LGR5: variants seen among roughly 807,000 people sequenced by gnomAD.
LGR5 encodes leucine rich repeat containing G protein-coupled receptor 5, also known as leucine-rich repeat-containing G protein-coupled receptor 5.
LGR5 carries 54 observed loss-of-function variants against 76.7 expected under a neutral mutation model. That is an observed-to-expected ratio of 0.70 (90% CI 0.57 to 0.88). The LOEUF (loss-of-function observed/expected upper bound fraction) is 0.88. LGR5 is among the 40% of genes least tolerant of loss of function. LGR5 has a pLI of 0.00. For missense variants in LGR5, 1,078 were observed against 1,073.3 expected (o/e 1.00, Z -0.06); for synonymous variants, 406 against 421.9 (o/e 0.96, Z 0.46).
At chr12:71,520,690 G>T (rs967949052) in intron 2 of LGR5, among the ~76,000 whole-genome samples, 3 of 150,056 alleles carry the variant, frequency 2.0e-5, no homozygotes, top group Admixed American at 6.7e-5. Context: ...ACACAGGGAG[G>T]GGAACATCAC....
At chr12:71,445,446 ATCTG>A (rs1871944952) in intron 1 of LGR5, among the ~76,000 whole-genome samples, 1 of 152,178 alleles carries the variant, frequency 6.6e-6, no homozygotes, top group South Asian at 2.1e-4. Flanking sequence ...TCATTCCCAG[ATCTG>A]TCAGCTTTAA....
chr12:71,490,297 T>C (rs1874012000), intron 1 of LGR5, among the ~76,000 whole-genome samples: 1 of 152,248 alleles, frequency 6.6e-6, no homozygotes, highest in Non-Finnish European at 1.5e-5. Context: ...TTCTGTTTCG[T>C]ATCTCCTTTG....
intron 1 of LGR5, among the ~76,000 whole-genome samples, chr12:71,480,360 CAA>C (rs59288333): frequency 0.14 from 10,951 of 80,138 alleles, 387 homozygotes; most frequent in Non-Finnish European, 0.17. Context: ...GACTCTGTCT[CAA>C]AAAAAAAAAA....
rs760136583 is a variant in LGR5, at chr12:71,580,357, A to T, written c.1486A>T (p.Asn496Tyr). Residue 496 changes from asparagine to tyrosine, a missense_variant, in exon 16 of 18, where the codon AAT becomes TAT. Transcript: ENST00000266674. ...ENAYKISNQW[N>Y]KGDNSSMDDL... ...TGCCTATAAGATTTCTAATCAATGG[A>T]ATAAAGGTGACAACAGCAGTATGGA... The T allele has an allele frequency of 6.2e-7, 1 of 1,614,032 alleles. No homozygotes were observed. The highest frequency in any genetic ancestry group is 8.5e-7 in the Non-Finnish European group (1 of 1,179,902).
chr12:71,510,395 C>T (rs1044454498), intron 2 of LGR5, among the ~76,000 whole-genome samples: 1 of 152,080 alleles, frequency 6.6e-6, no homozygotes, highest in Non-Finnish European at 1.5e-5. Flanking sequence ...GACAATGAAG[C>T]CACTGTTTTG....
intron 4 of LGR5, among the ~76,000 whole-genome samples, chr12:71,551,467 C>T (rs912810772): frequency 1.4e-4 from 22 of 152,146 alleles, no homozygotes; most frequent in Non-Finnish European, 2.5e-4. Context: ...CTTCCTAATA[C>T]GTGGACCACT....
At chr12:71,561,750 G>T in intron 7 of LGR5, 31 bp from the exon 8 acceptor site, 2 of 1,407,958 alleles carry the variant, frequency 1.4e-6, no homozygotes, top group Non-Finnish European at 2.0e-6. Flanking sequence ...ACCCCACACA[G>T]GATTTTTTAT....
chr12:71,447,757 G>A (rs556420923), intron 1 of LGR5, among the ~76,000 whole-genome samples: 3 of 152,312 alleles, frequency 2.0e-5, no homozygotes, highest in Middle Eastern at 3.4e-3. Context: ...GGGCATAGCC[G>A]TGAAGGGCCG....
upstream of LGR5, among the ~76,000 whole-genome samples, chr12:71,439,586 G>A (rs937103573): frequency 6.6e-6 from 1 of 151,896 alleles, no homozygotes; most frequent in Admixed American, 6.6e-5. Flanking sequence ...TCCAGGCGGA[G>A]GCTCAGTGGG....
Position 71,524,403 on chromosome 12 carries a change from C to A in LGR5, c.285-3C>A, listed in dbSNP as rs780792592. 2 of 1,610,516 alleles carry A rather than the reference C, an allele frequency of 1.2e-6. No individual in the cohort carries two copies. Among genetic ancestry groups the A allele is most frequent in the African/African-American group, 1.3e-5 (1 of 74,896 alleles). ...TCTCTCTCCTCTCCATTGAAACCCA[C>A]AGACGTCTTGCGGGAAACGCTCTGA... On this transcript the variant is annotated splice_region_variant and splice_polypyrimidine_tract_variant and intron_variant, in intron 2 of 17. Coordinates refer to ENST00000266674, the MANE Select transcript of LGR5 (RefSeq NM_003667.4).
chr12:71,584,827 T>A lies in LGR5; in HGVS notation c.*93T>A. The A allele has an allele frequency of 2.9e-6, 4 of 1,370,548 alleles. No homozygotes were observed. The East Asian group carries it at 9.2e-5, about 32-fold the overall frequency. 84.9% of individuals were successfully genotyped at this position (1,370,548 alleles called of 1,614,324 possible). A position where few individuals can be genotyped will look rare whatever the true frequency, so the allele number is the denominator to read the frequency against. On this transcript the variant is annotated 3_prime_UTR_variant, in exon 18 of 18. Transcript: ENST00000266674. ...CAGTAATTAATAAGAAGAGCTGAGG[T>A]GAAACTCGGTTTAAAAACCAAAAAA...
chr12:71,489,511 A>G (rs1448862673), intron 1 of LGR5, among the ~76,000 whole-genome samples: 4 of 152,212 alleles, frequency 2.6e-5, no homozygotes, highest in Non-Finnish European at 5.9e-5. Flanking sequence ...TACAGATTGC[A>G]TATTTTAACA....
intron 1 of LGR5, among the ~76,000 whole-genome samples, chr12:71,455,390 G>GGT (rs1872429542): frequency 6.6e-6 from 1 of 152,072 alleles, no homozygotes; most frequent in Non-Finnish European, 1.5e-5. Flanking sequence ...CAATAGGGCA[G>GGT]GTGTAGCAGG....
At chr12:71,475,040 T>C (rs145999284) in intron 1 of LGR5, among the ~76,000 whole-genome samples, 1,736 of 152,262 alleles carry the variant, frequency 0.011, 34 homozygotes, top group African/African-American at 0.04. Context: ...CTGTGACTAA[T>C]TGGAATTGCA....
At chr12:71,492,735 G>A (rs1874128503) in intron 1 of LGR5, among the ~76,000 whole-genome samples, 1 of 151,688 alleles carries the variant, frequency 6.6e-6, no homozygotes, top group African/African-American at 2.4e-5. Context: ...TGTTTCTAAT[G>A]ATGGCAGACA....
chr12:71,549,456 C>T (rs1332640922), intron 4 of LGR5, among the ~76,000 whole-genome samples: 2 of 151,848 alleles, frequency 1.3e-5, no homozygotes, highest in East Asian at 3.9e-4. Flanking sequence ...ATGTTGTCAC[C>T]ACAAAAAAAT....
chr12:71,529,728 G>A lies in LGR5; in HGVS notation c.356+5251G>A, dbSNP rs1198987972. On this transcript the variant is annotated intron_variant, in intron 3 of 17. Coordinates refer to ENST00000266674, the MANE Select transcript of LGR5 (RefSeq NM_003667.4). ...CCCAGCACTTTGGAAGGCTGAGACA[G>A]ACAGATCACCTGAGGTCAGGAGTTT... 2.6e-5 allele frequency among the ~76,000 whole-genome samples: 4 copies of A among 152,152 alleles called. No homozygotes were observed. In the East Asian group the frequency reaches 7.7e-4, roughly 29 times the overall value.
At chr12:71,446,411 G>A (rs978467820) in intron 1 of LGR5, among the ~76,000 whole-genome samples, 4 of 151,992 alleles carry the variant, frequency 2.6e-5, no homozygotes, top group Non-Finnish European at 4.4e-5. Flanking sequence ...CTAAGTGTTC[G>A]GCACTAAATA....
chr12:71,483,683 C>G lies in LGR5; in HGVS notation c.213-20931C>G, dbSNP rs540609588. ...CTGCCGTGTCACCTTGGGAAAGCTA[C>G]TTAAGTTCTACATGCCTCTGTTTCT... On this transcript the variant is annotated intron_variant, in intron 1 of 17. Coordinates refer to ENST00000266674, the MANE Select transcript of LGR5 (RefSeq NM_003667.4). Among the ~76,000 whole-genome samples the G allele has an allele frequency of 3.9e-5, 6 of 152,154 alleles. 1 individual carries two copies. In the South Asian group the frequency reaches 1.2e-3, roughly 32 times the overall value.
Sources: allele counts gnomAD v4.1 joint callset (sites outside exome capture counted in the v4.1 genomes callset), GRCh38; gene constraint gnomAD v4.1.1; transcripts MANE v1.5; gene names NCBI Gene and HGNC (gene_info 2026-07-23, HGNC 2026-07-21).